Variants in TBC1D8 observed in about 807,000 individuals in gnomAD.
TBC1D8 encodes TBC1 domain family member 8.
Under a neutral mutation model 118.8 loss-of-function variants are expected in TBC1D8, and 65 were observed. That is an observed-to-expected ratio of 0.55 (90% CI 0.45 to 0.67). TBC1D8 has a LOEUF of 0.67. Ranked by LOEUF, TBC1D8 falls within the 30% of genes least tolerant of loss-of-function variation. The pLI is 0.00. For missense variants in TBC1D8, 1,376 were observed against 1,471.2 expected, an observed-to-expected ratio of 0.94 and a Z score of 1.06; for synonymous variants, 566 against 595.8, an observed-to-expected ratio of 0.95 and a Z score of 0.73.
At chr2:101,110,542 C>T (rs1366077743) in intron 1 of TBC1D8, among the ~76,000 whole-genome samples, 3 of 152,058 alleles carry the variant, frequency 2.0e-5, no homozygotes, top group Non-Finnish European at 4.4e-5. Flanking sequence ...ATACACAAGC[C>T]GTTAAACAGT....
intron 1 of TBC1D8, among the ~76,000 whole-genome samples, chr2:101,119,337 T>A (rs1021774833): frequency 6.8e-6 from 1 of 147,360 alleles, no homozygotes; most frequent in Non-Finnish European, 1.5e-5. Flanking sequence ...ACCACCCTAC[T>A]TACGGATGGC....
rs188868318 is a variant in TBC1D8 at position 101,025,426 on chromosome 2, G to A, written c.2520+1957C>T. On this transcript the variant is annotated intron_variant, in intron 15 of 19. Transcript: ENST00000409318. ...ATTTTTAGTAGAGACAGGTTTTCAC[G>A]ATGTTGGCCAAGCTGGTCTTGAACT... Among the ~76,000 whole-genome samples, 42 of 152,150 alleles carry A rather than the reference G, an allele frequency of 2.8e-4. No individual in the cohort carries two copies. In the East Asian group the frequency reaches 7.6e-3, roughly 27 times the overall value.
At position 101,029,652 on chromosome 2, in the gene TBC1D8, G is replaced by A. The variant is rs1389952282; in HGVS notation, c.2061C>T (p.Phe687=). ...SVSLSWFLTL[F]LSIMPLESAV... is the part of the protein sequence containing the mutation. The stretch of plus-strand genomic sequence containing the variant: ...CACTCTCTAGAGGCATGATGCTGAG[G>A]AACAGGGTCAGGAACCACGAGAGAG... The change falls in exon 12 of 20, where the codon TTC becomes TTT. Residue 687 remains phenylalanine, a synonymous_variant. Transcript: ENST00000409318. 3 of 1,613,880 alleles carry A rather than the reference G, an allele frequency of 1.9e-6. No homozygotes were observed. The highest frequency in any genetic ancestry group is 2.5e-6 in the Non-Finnish European group (3 of 1,179,906).
At position 101,103,877 on chromosome 2, in the gene TBC1D8, T is replaced by C. The variant is rs75896415; in HGVS notation, c.128-13513A>G. Among the ~76,000 whole-genome samples the C allele has an allele frequency of 7.8e-4, 119 of 151,986 alleles. 4 individuals carry two copies. In the East Asian group the frequency reaches 0.022, roughly 27 times the overall value. On this transcript the variant is annotated intron_variant, in intron 1 of 19. Transcript: ENST00000409318. ...ATAAAAAGTGAAAATAAAAGATATA[T>C]ATATAGAGAGAGAGAGAAGAAAAAA...
At chr2:101,054,666 T>TC (rs1682291954) in intron 3 of TBC1D8, among the ~76,000 whole-genome samples, 2 of 43,512 alleles carry the variant, frequency 4.6e-5, no homozygotes. Flanking sequence ...CATTTTCTTT[T>TC]CTTTTCTTTT....
At chr2:101,120,874 C>T (rs1001535793) in intron 1 of TBC1D8, among the ~76,000 whole-genome samples, 13 of 152,234 alleles carry the variant, frequency 8.5e-5, no homozygotes, top group East Asian at 5.8e-4. Context: ...CACACTCCCA[C>T]GCCCAGAAGC....
rs905053595 is a variant in TBC1D8 at position 101,028,231 on chromosome 2, C to T, written c.2352+72G>A. 2.8e-5 allele frequency: 44 copies of T among 1,591,140 alleles called. No individual in the cohort carries two copies. The African/African-American group carries it at 4.4e-4, about 16-fold the overall frequency. ...GAAGTGGCCCAGGAACCTCCTTCCA[C>T]ATCCATCCCCCAGTCACAATTCCCG... is the stretch of plus-strand genomic sequence containing the variant. On this transcript the variant is annotated intron_variant, in intron 13 of 19. Transcript: ENST00000409318.
At chr2:101,073,743 TC>T (rs1217344375) in intron 2 of TBC1D8, among the ~76,000 whole-genome samples, 2 of 152,256 alleles carry the variant, frequency 1.3e-5, no homozygotes, top group African/African-American at 4.8e-5. Context: ...ATGGCTGCTT[TC>T]CCTAAACCTG....
At chr2:101,083,328 G>A (rs1675385118) in intron 2 of TBC1D8, among the ~76,000 whole-genome samples, 1 of 152,284 alleles carries the variant, frequency 6.6e-6, no homozygotes, top group Admixed American at 6.5e-5. Flanking sequence ...GAGAGTTGGT[G>A]ACAAGTGAGT....
In TBC1D8 at chr2:101,022,450, G is replaced by A. The variant is rs1412228044; in HGVS notation, c.2592C>T (p.Pro864=). The part of the protein sequence containing the change: ...PMASRHDPSR[P]YAEQYRIDAR... ...CATCTATGCGGTACTGCTCAGCATA[G>A]GGCCGGCTGGGGTCGTGGCGTGAGG... Residue 864 remains proline, a synonymous_variant, in exon 16 of 20, where the codon CCC becomes CCT. Transcript: ENST00000409318. 1 of 1,610,130 alleles carries A rather than the reference G, an allele frequency of 6.2e-7. No homozygotes were observed. Among genetic ancestry groups the A allele is most frequent in the African/African-American group, 1.3e-5 (1 of 74,734 alleles).
At chr2:101,138,085 A>AG (rs1254933059) in intron 1 of TBC1D8, among the ~76,000 whole-genome samples, 1 of 152,054 alleles carries the variant, frequency 6.6e-6, no homozygotes, top group African/African-American at 2.4e-5. Context: ...GAAGAGGGAG[A>AG]GGGGGAAGGT....
chr2:101,109,538 T>C (rs1677451610), intron 1 of TBC1D8, among the ~76,000 whole-genome samples: 1 of 152,124 alleles, frequency 6.6e-6, no homozygotes, highest in Non-Finnish European at 1.5e-5. Context: ...CCCTACTTAG[T>C]CCGTCCTTTT....
intron 17 of TBC1D8, among the ~76,000 whole-genome samples, chr2:101,012,448 C>G (rs554949407): frequency 6.6e-6 from 1 of 152,180 alleles, no homozygotes; most frequent in Admixed American, 6.5e-5. Flanking sequence ...GAACATGATA[C>G]AGCAACTCCA....
At chr2:101,150,905 C>T (rs1452206195) in intron 1 of TBC1D8, among the ~76,000 whole-genome samples, 2 of 152,150 alleles carry the variant, frequency 1.3e-5, no homozygotes, top group Non-Finnish European at 2.9e-5. Flanking sequence ...CTGCCTCGCC[C>T]GGAAAACGCA....
chr2:101,043,651 G>A (rs1229739211), intron 5 of TBC1D8, among the ~76,000 whole-genome samples: 1 of 152,100 alleles, frequency 6.6e-6, no homozygotes, highest in African/African-American at 2.4e-5. Flanking sequence ...TTAAGAATAA[G>A]GTGTTCCAGG....
At chr2:101,062,457 C>T (rs1682806755) in intron 2 of TBC1D8, among the ~76,000 whole-genome samples, 1 of 152,182 alleles carries the variant, frequency 6.6e-6, no homozygotes, top group South Asian at 2.1e-4. Context: ...GGAGAAGACT[C>T]ACCTTTGTGG....
intron 2 of TBC1D8, 53 bp downstream of exon 2, chr2:101,090,156 T>C (rs1675928717): frequency 6.4e-7 from 1 of 1,558,884 alleles, no homozygotes; most frequent in South Asian, 1.2e-5. Flanking sequence ...ATGCAGATAC[T>C]CAGCATGCTT....
intron 11 of TBC1D8, among the ~76,000 whole-genome samples, chr2:101,030,374 C>T (rs983364243): frequency 3.9e-5 from 6 of 152,178 alleles, no homozygotes; most frequent in African/African-American, 1.4e-4. Flanking sequence ...GATTTAAACA[C>T]TCAGAAGAGC....
At chr2:101,121,592 C>G (rs1678109989) in intron 1 of TBC1D8, among the ~76,000 whole-genome samples, 1 of 152,222 alleles carries the variant, frequency 6.6e-6, no homozygotes, top group Non-Finnish European at 1.5e-5. Flanking sequence ...TTTGTAAGGG[C>G]GCTAGTCCCA....
Sources: allele counts gnomAD v4.1 joint callset (sites outside exome capture counted in the v4.1 genomes callset), GRCh38; gene constraint gnomAD v4.1.1; transcripts MANE v1.5; gene names NCBI Gene and HGNC (gene_info 2026-07-23, HGNC 2026-07-21).